The following GRM8 variants were observed in gnomAD, a reference collection of about 807,000 sequenced individuals.
GRM8 encodes the protein metabotropic glutamate receptor 8.
A neutral mutation model predicts 87.2 loss-of-function variants in GRM8; 47 were observed. The ratio of observed to expected loss-of-function variants is 0.54; its 90% CI spans 0.43 to 0.69. The LOEUF is 0.69. Ranked by LOEUF, GRM8 falls within the 30% of genes least tolerant of loss-of-function variation. The probability of loss-of-function intolerance (pLI) is 0.00; values close to 1 mark genes in which losing one functional copy is unlikely to be tolerated. For missense variants in GRM8, 1,019 were observed against 1,139.2 expected (o/e 0.89, Z 1.52); for synonymous variants, 396 against 404.5 (o/e 0.98, Z 0.25).
intron 1 of GRM8, among the ~76,000 whole-genome samples, chr7:127,248,064 T>TA (rs893610931): frequency 1.2e-4 from 18 of 151,796 alleles, no homozygotes; most frequent in African/African-American, 1.7e-4. Context: ...CCCAGGCATT[T>TA]AAAAAAAAAT....
At chr7:126,762,673 A>C (rs1288808731) in intron 7 of GRM8, among the ~76,000 whole-genome samples, 1 of 152,092 alleles carries the variant, frequency 6.6e-6, no homozygotes, top group Non-Finnish European at 1.5e-5. Flanking sequence ...GAGCAAAAAT[A>C]ACTAGAGTGA....
intron 2 of GRM8, among the ~76,000 whole-genome samples, chr7:127,196,518 AAAAC>A (rs1017055882): frequency 6.9e-5 from 10 of 145,354 alleles, no homozygotes; most frequent in African/African-American, 2.6e-4. Context: ...CTCCATCTCA[AAAAC>A]AAACAAACAA....
At chr7:127,130,584 A>C (rs865800648) in intron 2 of GRM8, among the ~76,000 whole-genome samples, 1 of 152,140 alleles carries the variant, frequency 6.6e-6, no homozygotes, top group African/African-American at 2.4e-5. Context: ...GAACTTGAGA[A>C]ACATGATTTA....
At chr7:126,450,665 G>A (rs1236795932) in intron 9 of GRM8, among the ~76,000 whole-genome samples, 1 of 151,712 alleles carries the variant, frequency 6.6e-6, no homozygotes, top group Non-Finnish European at 1.5e-5. Flanking sequence ...TAGAGAAACT[G>A]GAGTTGTCCT....
chr7:126,859,484 A>G (rs575210919), intron 6 of GRM8, among the ~76,000 whole-genome samples: 1 of 152,286 alleles, frequency 6.6e-6, no homozygotes, highest in East Asian at 1.9e-4. Context: ...TGCAGTTCAC[A>G]TTTTGAAAGT....
At chr7:126,904,195 A>T in intron 4 of GRM8, 69 bp from the exon 5 acceptor site, 1 of 1,325,074 alleles carries the variant, frequency 7.5e-7, no homozygotes, top group Admixed American at 1.8e-5. Context: ...ATATTACAAG[A>T]CCAGATTTAG....
intron 2 of GRM8, among the ~76,000 whole-genome samples, chr7:127,159,540 T>C (rs1010498082): frequency 6.6e-6 from 1 of 150,940 alleles, no homozygotes; most frequent in Non-Finnish European, 1.5e-5. Context: ...AATAAATACA[T>C]GGCAATAAAA....
At chr7:126,520,011 A>G (rs1464660446) in intron 9 of GRM8, among the ~76,000 whole-genome samples, 1 of 152,038 alleles carries the variant, frequency 6.6e-6, no homozygotes, top group Admixed American at 6.6e-5. Flanking sequence ...TGACATAGAA[A>G]GGAGGAAATA....
intron 7 of GRM8, among the ~76,000 whole-genome samples, chr7:126,762,249 T>C (rs533244819): frequency 6.6e-6 from 1 of 152,300 alleles, no homozygotes; most frequent in Non-Finnish European, 1.5e-5. Context: ...TATTTTTTTT[T>C]TCTTGTAAAG....
chr7:126,613,984 C>T (rs931959368), intron 7 of GRM8, among the ~76,000 whole-genome samples: 3 of 152,126 alleles, frequency 2.0e-5, no homozygotes, highest in African/African-American at 7.2e-5. Flanking sequence ...GGCAGCAGAC[C>T]TCTGCAGACT....
chr7:126,668,336 C>A (rs898093388), intron 7 of GRM8, among the ~76,000 whole-genome samples: 1 of 152,194 alleles, frequency 6.6e-6, no homozygotes, highest in Non-Finnish European at 1.5e-5. Flanking sequence ...TTTTGGCCTG[C>A]AACGTGGGGA....
intron 7 of GRM8, among the ~76,000 whole-genome samples, chr7:126,724,323 C>T (rs1415719673): frequency 6.6e-6 from 1 of 152,114 alleles, no homozygotes; most frequent in East Asian, 1.9e-4. Flanking sequence ...AAATCTGGCT[C>T]TGAAAGGCTT....
intron 7 of GRM8, among the ~76,000 whole-genome samples, chr7:126,619,549 TA>T (rs34600473): frequency 0.32 from 48,701 of 152,048 alleles, 8,436 homozygotes; most frequent in East Asian, 0.43. Flanking sequence ...CTATTTACAT[TA>T]AAAAAAGAAA....
At chr7:126,442,025 C>T (rs1421260699) in intron 10 of GRM8, among the ~76,000 whole-genome samples, 1 of 151,682 alleles carries the variant, frequency 6.6e-6, no homozygotes, top group Admixed American at 6.6e-5. Context: ...AATCATTGGG[C>T]CAGGTTACTG....
intron 6 of GRM8, among the ~76,000 whole-genome samples, chr7:126,791,248 G>A (rs762049421): frequency 2.0e-5 from 3 of 152,144 alleles, no homozygotes; most frequent in Non-Finnish European, 4.4e-5. Flanking sequence ...CACTTAATTT[G>A]AGATGTCATG....
intron 3 of GRM8, 75 bp from the exon 4 acceptor site, chr7:126,904,758 T>C (rs1477651888): frequency 1.6e-6 from 2 of 1,247,548 alleles, no homozygotes; most frequent in African/African-American, 3.0e-5. Flanking sequence ...ACCTACTTTA[T>C]AAAAGCACAT....
At chr7:126,759,591 G>T (rs1022564940) in intron 7 of GRM8, among the ~76,000 whole-genome samples, 2 of 152,026 alleles carry the variant, frequency 1.3e-5, no homozygotes, top group Non-Finnish European at 2.9e-5. Flanking sequence ...TACCCTGTTG[G>T]TTGGTGCTGT....
At chr7:126,681,535 C>A (rs1314515326) in intron 7 of GRM8, among the ~76,000 whole-genome samples, 2 of 152,246 alleles carry the variant, frequency 1.3e-5, no homozygotes, top group East Asian at 3.8e-4. Flanking sequence ...ATCCCTGGAG[C>A]TATTCCTCAT....
intron 7 of GRM8, among the ~76,000 whole-genome samples, chr7:126,656,136 A>G (rs1473376640): frequency 6.6e-6 from 1 of 152,164 alleles, no homozygotes; most frequent in African/African-American, 2.4e-5. Context: ...AGAAATAATA[A>G]CAATAAAATA....
Sources: allele counts gnomAD v4.1 joint callset (sites outside exome capture counted in the v4.1 genomes callset), GRCh38; gene constraint gnomAD v4.1.1; transcripts MANE v1.5; gene names NCBI Gene and HGNC (gene_info 2026-07-23, HGNC 2026-07-21).